FAM209A: variants seen among roughly 807,000 people sequenced by gnomAD.
The protein encoded by FAM209A is family with sequence similarity 209 member A, also known as protein FAM209A.
FAM209A carries 4 observed loss-of-function variants against 9.8 expected under a neutral mutation model. The observed-to-expected ratio is 0.41, with a 90% confidence interval of 0.20 to 0.94. The LOEUF (loss-of-function observed/expected upper bound fraction) is 0.94, where lower values mean the gene tolerates loss of function less well. FAM209A is among the 40% of genes least tolerant of loss of function. The pLI is 0.32. For missense variants in FAM209A, 205 were observed against 209.4 expected, an observed-to-expected ratio of 0.98 and a Z score of 0.13; for synonymous variants, 55 against 77.8, an observed-to-expected ratio of 0.71 and a Z score of 1.54.
At chr20:56,533,447 G>A in the FAM209A span, 1 of 1,610,740 alleles carries the variant, frequency 6.2e-7, no homozygotes, top group Non-Finnish European at 8.5e-7. Flanking sequence ...CCAGGGGAAG[G>A]TGCCGTGTGG....
the FAM209A span, among the ~76,000 whole-genome samples, chr20:56,531,426 G>C: frequency 6.6e-6 from 1 of 151,126 alleles, no homozygotes; most frequent in Admixed American, 6.6e-5. Flanking sequence ...AGCCTCCCGA[G>C]TAGCTGGGAT....
chr20:56,533,451 C>A, the FAM209A span: 13 of 1,574,972 alleles, frequency 8.3e-6, 1 homozygote, highest in South Asian at 1.1e-5. Context: ...GGGAAGGTGC[C>A]GTGTGGAGAG....
chr20:56,532,629 G>A, the FAM209A span, among the ~76,000 whole-genome samples: 49 of 151,804 alleles, frequency 3.2e-4, no homozygotes, highest in African/African-American at 1.2e-3. Flanking sequence ...GACTACAGGC[G>A]TGTGCCACCA....
chr20:56,532,480 CTTTT>C, the FAM209A span, among the ~76,000 whole-genome samples: 824 of 108,162 alleles, frequency 7.6e-3, 4 homozygotes, highest in African/African-American at 0.028. Flanking sequence ...TTTTCTTTTT[CTTTT>C]TTTTTTTTTT....
At chr20:56,529,999 C>G (rs558661116), downstream of FAM209A, among the ~76,000 whole-genome samples, 1 of 152,210 alleles carries the variant, frequency 6.6e-6, no homozygotes, top group Admixed American at 6.5e-5. Flanking sequence ...CCAGCCTGGG[C>G]GACACAGCAA....
intron 1 of FAM209A, among the ~76,000 whole-genome samples, 167 bp downstream of exon 1, chr20:56,525,224 A>G (rs937995489): frequency 3.3e-5 from 5 of 152,180 alleles, no homozygotes; most frequent in Admixed American, 2.0e-4. Flanking sequence ...TAGTGAAGAC[A>G]ATTGTCCCCA....
At chr20:56,533,063 G>A in the FAM209A span, 1 of 752,732 alleles carries the variant, frequency 1.3e-6, no homozygotes, top group East Asian at 1.3e-4. Context: ...AAAAGCTCGA[G>A]GGTTGGAAAG....
At chr20:56,526,345 G>A (rs967664967), downstream of FAM209A, among the ~76,000 whole-genome samples, 1 of 152,114 alleles carries the variant, frequency 6.6e-6, no homozygotes, top group African/African-American at 2.4e-5. Context: ...ATGGCCGCGG[G>A]TGGACGATGG....
intron 1 of FAM209A, 97 bp downstream of exon 1, chr20:56,525,154 A>G: frequency 1.3e-6 from 2 of 1,518,472 alleles, no homozygotes; most frequent in South Asian, 1.3e-5. Context: ...ACCGTTGGGT[A>G]TAATGAACCG....
At chr20:56,531,010 C>T (rs1202306578), downstream of FAM209A, among the ~76,000 whole-genome samples, 1 of 152,140 alleles carries the variant, frequency 6.6e-6, no homozygotes, top group Non-Finnish European at 1.5e-5. Flanking sequence ...CATTCCAGCA[C>T]CCAGGATTTC....
chr20:56,527,528 C>T (rs1373966405), downstream of FAM209A, among the ~76,000 whole-genome samples: 2 of 152,216 alleles, frequency 1.3e-5, no homozygotes, highest in African/African-American at 4.8e-5. Context: ...ACTGCAGGCC[C>T]ACAGGTCCCA....
chr20:56,524,948 A>G lies in FAM209A; in HGVS notation c.140A>G (p.Asn47Ser). 1 of 1,614,202 alleles carries G rather than the reference A, an allele frequency of 6.2e-7. No individual in the cohort carries two copies. The highest frequency in any genetic ancestry group is 8.5e-7 in the Non-Finnish European group (1 of 1,180,030). The part of the protein sequence containing the change: ...QYGEHFRIRQ[N>S]LPEHTQGWLG... ...GGAGAGCACTTTCGGATTCGGCAGA[A>G]TCTACCAGAGCACACCCAAGGCTGG... The change falls in exon 1 of 2, where the codon AAT becomes AGT. Residue 47 changes from asparagine (N) to serine (S), a missense_variant. Coordinates refer to ENST00000371328, the MANE Select transcript of FAM209A (RefSeq NM_001012971.4).
chr20:56,530,920 T>G (rs1272162367), downstream of FAM209A, among the ~76,000 whole-genome samples: 3 of 152,178 alleles, frequency 2.0e-5, no homozygotes, highest in African/African-American at 7.2e-5. Flanking sequence ...GTTCTGCTCC[T>G]CGGGAGTAAA....
the FAM209A span, chr20:56,533,173 G>A: frequency 0.081 from 108,517 of 1,335,566 alleles, 11,419 homozygotes; most frequent in Middle Eastern, 0.2. Flanking sequence ...CCTCCCGGGC[G>A]ACTCCTGTGA....
rs1207475419 is a variant in FAM209A, at chr20:56,526,151, A to T, written c.*81A>T. On this transcript the variant is annotated 3_prime_UTR_variant, in exon 2 of 2. Transcript: ENST00000371328. Reference sequence around the variant, plus strand: ...CTAATAAAACTATTCTGAAGAAAAGAACTTCCATGTTTGAGAGCTTGCTTC... The same window carrying T: ...CTAATAAAACTATTCTGAAGAAAAGTACTTCCATGTTTGAGAGCTTGCTTC... The T allele has an allele frequency of 6.7e-7, 1 of 1,482,956 alleles. No homozygotes were observed. The highest frequency in any genetic ancestry group is 9.0e-7 in the Non-Finnish European group (1 of 1,116,980). 91.9% of individuals were successfully genotyped at this position (1,482,956 alleles called of 1,614,324 possible).
the FAM209A span, chr20:56,533,431 C>T: frequency 8.7e-6 from 14 of 1,613,506 alleles, no homozygotes; most frequent in South Asian, 2.2e-5. Flanking sequence ...AGAAAACTAG[C>T]GAACCCCAGG....
At chr20:56,526,406 T>C (rs11086547), downstream of FAM209A, among the ~76,000 whole-genome samples, 57,676 of 151,972 alleles carry the variant, frequency 0.38, 11,617 homozygotes, top group Non-Finnish European at 0.45. Context: ...TACAAACTCT[T>C]GCTCTCTATA....
downstream of FAM209A, among the ~76,000 whole-genome samples, chr20:56,527,616 C>G (rs1382320332): frequency 6.6e-6 from 1 of 152,226 alleles, no homozygotes; most frequent in African/African-American, 2.4e-5. Context: ...CAAAGTCACC[C>G]AGGGCGCAAG....
rs754605752 is a variant in FAM209A at position 56,526,120 on chromosome 20, T to C, written c.*50T>C. The C allele has an allele frequency of 3.9e-6, 6 of 1,520,358 alleles. No homozygotes were observed. The highest frequency in any genetic ancestry group is 2.3e-5 in the East Asian group (1 of 44,054). 94.2% of individuals were successfully genotyped at this position (1,520,358 alleles called of 1,614,324 possible). A position where few individuals can be genotyped will look rare whatever the true frequency, so the allele number is the denominator to read the frequency against. The stretch of plus-strand genomic sequence containing the variant: ...AAAAGTTGAGTGTTGACAAACTGTA[T>C]GCAAACTAATAAAACTATTCTGAAG... On this transcript the variant is annotated 3_prime_UTR_variant, in exon 2 of 2. Transcript: ENST00000371328.
Sources: gnomAD v4.1 joint callset for allele counts (sites outside exome capture counted in the v4.1 genomes callset) on GRCh38, gnomAD v4.1.1 for gene constraint, MANE v1.5 for transcripts, NCBI Gene and HGNC (gene_info 2026-07-23, HGNC 2026-07-21) for gene names.